Variants in WWOX observed in about 807,000 individuals in gnomAD.
WWOX encodes the protein WW domain-containing oxidoreductase.
WWOX carries 69 observed loss-of-function variants against 46.2 expected under a neutral mutation model. That is an observed-to-expected ratio of 1.49 (90% confidence interval 1.23 to 1.82). WWOX has a LOEUF of 1.82. WWOX is among the 40% of genes most tolerant of loss of function. The probability of loss-of-function intolerance (pLI) is 0.00; values close to 1 mark genes in which losing one functional copy is unlikely to be tolerated. For missense variants in WWOX, 919 were observed against 542.6 expected, an observed-to-expected ratio of 1.69 and a Z score of -6.89; for synonymous variants, 359 against 202.6, an observed-to-expected ratio of 1.77 and a Z score of -6.56.
At chr16:78,418,557 CA>C (rs1332127962) in intron 6 of WWOX, among the ~76,000 whole-genome samples, 1 of 151,958 alleles carries the variant, frequency 6.6e-6, no homozygotes, top group Admixed American at 6.6e-5. Context: ...CAATTTTGTA[CA>C]AAATGCTAGC....
chr16:78,621,337 C>A (rs2046176105), intron 8 of WWOX, among the ~76,000 whole-genome samples: 1 of 152,046 alleles, frequency 6.6e-6, no homozygotes, highest in African/African-American at 2.4e-5. Flanking sequence ...ACTCACCACC[C>A]ACCCAGTTCC....
intron 8 of WWOX, among the ~76,000 whole-genome samples, chr16:79,037,298 C>G (rs2047886857): frequency 6.6e-6 from 1 of 152,142 alleles, no homozygotes; most frequent in Non-Finnish European, 1.5e-5. Flanking sequence ...CTGGAAAGTG[C>G]TGGGGCATGG....
rs57392879 is a variant in WWOX, at chr16:78,639,674, C to G, written c.1056+206922C>G. On this transcript the variant is annotated intron_variant, in intron 8 of 8. Transcript: ENST00000566780. ...TGCCTCCCAGGTTCGAGTGATTTTC[C>G]TGCCTCAGCCTCTGGAGTAGCTGGG... 6.4e-3 allele frequency among the ~76,000 whole-genome samples: 966 copies of G among 152,116 alleles called. 13 individuals carry two copies. Among genetic ancestry groups the G allele is most frequent in the African/African-American group, 0.022 (896 of 41,498 alleles).
At chr16:78,753,376 G>A (rs2049536896) in intron 8 of WWOX, among the ~76,000 whole-genome samples, 1 of 152,050 alleles carries the variant, frequency 6.6e-6, no homozygotes, top group Non-Finnish European at 1.5e-5. Flanking sequence ...TCATTATCCA[G>A]GTACAAAGAC....
intron 8 of WWOX, chr16:78,996,383 C>A (rs114455278): frequency 0.024 from 17,554 of 735,724 alleles, 954 homozygotes; most frequent in Admixed American, 0.16. Context: ...CCCACCCCCG[C>A]CCCCCAGCTT....
At chr16:78,899,036 CT>C (rs2151238948) in intron 8 of WWOX, 1 of 152,224 alleles carries the variant, frequency 6.6e-6, no homozygotes, top group African/African-American at 2.4e-5. Flanking sequence ...CTCTACATCT[CT>C]GAATATAGTT....
At chr16:79,161,319 C>G (rs866192265) in intron 8 of WWOX, among the ~76,000 whole-genome samples, 2 of 152,116 alleles carry the variant, frequency 1.3e-5, no homozygotes. Flanking sequence ...CAGCTTATCT[C>G]TAGGATGGAC....
chr16:78,190,263 C>A (rs917405945), intron 5 of WWOX, among the ~76,000 whole-genome samples: 1 of 152,186 alleles, frequency 6.6e-6, no homozygotes, highest in African/African-American at 2.4e-5. Flanking sequence ...TTTATATGGG[C>A]TGCTAGCGCT....
chr16:79,082,825 C>G (rs780566143), intron 8 of WWOX, among the ~76,000 whole-genome samples: 1 of 151,990 alleles, frequency 6.6e-6, no homozygotes, highest in Non-Finnish European at 1.5e-5. Context: ...AGCTTTATAC[C>G]TTGTGTGTGC....
chr16:78,722,371 C>A (rs148052812), intron 8 of WWOX, among the ~76,000 whole-genome samples: 10 of 152,296 alleles, frequency 6.6e-5, no homozygotes, highest in South Asian at 6.2e-4. Context: ...GTATCTAACT[C>A]ATGGGTGTGT....
intron 5 of WWOX, among the ~76,000 whole-genome samples, chr16:78,351,232 G>T (rs1286281749): frequency 1.3e-5 from 2 of 152,172 alleles, no homozygotes; most frequent in African/African-American, 4.8e-5. Context: ...AACAAACACT[G>T]CTCCCCGATT....
At chr16:78,777,013 G>A (rs977972413) in intron 8 of WWOX, among the ~76,000 whole-genome samples, 3 of 152,158 alleles carry the variant, frequency 2.0e-5, no homozygotes, top group Non-Finnish European at 4.4e-5. Flanking sequence ...CGTTTTTACA[G>A]AGTATATGTG....
At chr16:78,876,703 C>T (rs1208597113) in intron 8 of WWOX, among the ~76,000 whole-genome samples, 1 of 152,020 alleles carries the variant, frequency 6.6e-6, no homozygotes, top group African/African-American at 2.4e-5. Context: ...AGTTAGGGTA[C>T]CCTCAGGTTA....
intron 8 of WWOX, among the ~76,000 whole-genome samples, chr16:78,455,245 C>G (rs2151417483): frequency 6.6e-6 from 1 of 152,242 alleles, no homozygotes; most frequent in Non-Finnish European, 1.5e-5. Flanking sequence ...ATTTTAGGTT[C>G]TCTTTGTAGC....
chr16:79,156,040 C>G (rs140980776), intron 8 of WWOX, among the ~76,000 whole-genome samples: 106 of 152,236 alleles, frequency 7.0e-4, no homozygotes, highest in African/African-American at 2.4e-3. Context: ...TTACAATTTC[C>G]AGGAAATCAG....
At chr16:78,453,307 C>T (rs1012629232) in intron 8 of WWOX, among the ~76,000 whole-genome samples, 3 of 151,726 alleles carry the variant, frequency 2.0e-5, no homozygotes, top group African/African-American at 7.3e-5. Context: ...CCTGTAATCC[C>T]AGCTGCTTGG....
intron 8 of WWOX, among the ~76,000 whole-genome samples, chr16:79,024,972 C>T (rs1161366351): frequency 6.6e-6 from 1 of 152,190 alleles, no homozygotes; most frequent in Non-Finnish European, 1.5e-5. Flanking sequence ...GCCTACACAA[C>T]AGGAGTTCAA....
In WWOX at chr16:78,607,644, C is replaced by CTTTT. The variant is rs4035989; in HGVS notation, c.1056+174903_1056+174906dup. Reference sequence around the variant, plus strand: ...TAAGAGGAGTGACTCATTTGTTCTTCTTTTTTTTTTTTTTGGCTGTCTACA... The same window carrying CTTTT: ...TAAGAGGAGTGACTCATTTGTTCTTCTTTTTTTTTTTTTTTTTTGGCTGTCTACA... On this transcript the variant is annotated intron_variant, in intron 8 of 8. Coordinates refer to ENST00000566780, the MANE Select transcript of WWOX (RefSeq NM_016373.4). Among the ~76,000 whole-genome samples, 435 of 141,530 alleles carry CTTTT rather than the reference C, an allele frequency of 3.1e-3. 7 individuals are homozygous for CTTTT. Among genetic ancestry groups the CTTTT allele is most frequent in the Non-Finnish European group, 4.5e-3 (295 of 65,436 alleles). 92.8% of individuals were successfully genotyped at this position (141,530 alleles called of 152,430 possible).
intron 5 of WWOX, among the ~76,000 whole-genome samples, chr16:78,320,147 A>G (rs1454618246): frequency 6.6e-6 from 1 of 152,344 alleles, no homozygotes; most frequent in Non-Finnish European, 1.5e-5. Context: ...AGCTTCATGT[A>G]CGTGACTGTA....
Sources: allele counts gnomAD v4.1 joint callset (sites outside exome capture counted in the v4.1 genomes callset), GRCh38; gene constraint gnomAD v4.1.1; transcripts MANE v1.5; gene names NCBI Gene and HGNC (gene_info 2026-07-23, HGNC 2026-07-21).